GREB1L: variants seen among roughly 807,000 people sequenced by gnomAD.
GREB1L encodes the protein GREB1-like protein.
Under a neutral mutation model 200.8 loss-of-function variants are expected in GREB1L, and 17 were observed. The observed-to-expected ratio is 0.08, with a 90% confidence interval of 0.06 to 0.13. The LOEUF (loss-of-function observed/expected upper bound fraction) is 0.13. Among genes scored for constraint, GREB1L ranks in the 10% least tolerant of loss-of-function variants. The pLI, the probability that GREB1L is intolerant of heterozygous loss-of-function variation, is 1.00. For synonymous variants in GREB1L, 789 were observed against 893.0 expected, an observed-to-expected ratio of 0.88 and a Z score of 2.08; for missense variants, 1,657 against 2,367.7, an observed-to-expected ratio of 0.70 and a Z score of 6.23.
At chr18:21,473,244 C>T in intron 16 of GREB1L, 33 bp downstream of exon 16, 1 of 1,404,894 alleles carries the variant, frequency 7.1e-7, no homozygotes, top group South Asian at 1.6e-5. Context: ...ATGGAGTCTC[C>T]CTTCTACAGG....
intron 1 of GREB1L, among the ~76,000 whole-genome samples, chr18:21,349,852 A>C (rs1019130597): frequency 6.6e-6 from 1 of 152,198 alleles, no homozygotes; most frequent in Admixed American, 6.5e-5. Context: ...AATAAAGTGC[A>C]CAATAAATGT....
At chr18:21,511,784 C>CT (rs2037247420) in intron 27 of GREB1L, among the ~76,000 whole-genome samples, 1 of 152,188 alleles carries the variant, frequency 6.6e-6, no homozygotes, top group Non-Finnish European at 1.5e-5. Flanking sequence ...GTGGCTAGGA[C>CT]TATAGGCGTA....
intron 7 of GREB1L, among the ~76,000 whole-genome samples, chr18:21,433,804 T>C (rs2033334638): frequency 1.3e-5 from 2 of 152,202 alleles, no homozygotes; most frequent in South Asian, 4.1e-4. Context: ...GCTCTCAGAC[T>C]CTCAGAGAGG....
intron 15 of GREB1L, among the ~76,000 whole-genome samples, chr18:21,459,677 A>T (rs2034949099): frequency 6.6e-6 from 1 of 152,124 alleles, no homozygotes; most frequent in African/African-American, 2.4e-5. Flanking sequence ...TTTAATAAAA[A>T]AATAAAGACA....
intron 1 of GREB1L, among the ~76,000 whole-genome samples, chr18:21,287,462 A>G (rs991710740): frequency 3.9e-5 from 6 of 152,166 alleles, no homozygotes; most frequent in Non-Finnish European, 8.8e-5. Context: ...TGTCATCTGT[A>G]TCTTCTTTCG....
At chr18:21,310,878 C>G (rs2038779315) in intron 1 of GREB1L, among the ~76,000 whole-genome samples, 1 of 152,084 alleles carries the variant, frequency 6.6e-6, no homozygotes, top group South Asian at 2.1e-4. Context: ...TTTTTTCTTC[C>G]TGCACCTCAA....
At chr18:21,430,927 A>G (rs562186725) in intron 7 of GREB1L, among the ~76,000 whole-genome samples, 4 of 151,180 alleles carry the variant, frequency 2.6e-5, no homozygotes, top group African/African-American at 9.7e-5. Context: ...TTACAGCTAT[A>G]AATTTCCTTC....
intron 15 of GREB1L, among the ~76,000 whole-genome samples, chr18:21,459,883 T>C (rs1015847720): frequency 6.6e-6 from 1 of 152,152 alleles, no homozygotes; most frequent in African/African-American, 2.4e-5. Flanking sequence ...AGCACATGCA[T>C]TGCTGTCCGG....
chr18:21,320,891 T>G (rs1423964679), intron 1 of GREB1L, among the ~76,000 whole-genome samples: 1 of 151,986 alleles, frequency 6.6e-6, no homozygotes, highest in Non-Finnish European at 1.5e-5. Flanking sequence ...GAAATGACAA[T>G]GAAGAGTTCT....
At chr18:21,284,687 G>A (rs1017465389) in intron 1 of GREB1L, among the ~76,000 whole-genome samples, 1 of 152,116 alleles carries the variant, frequency 6.6e-6, no homozygotes, top group Non-Finnish European at 1.5e-5. Context: ...TCTTGGACAC[G>A]TACCTAGTCC....
chr18:21,444,015 C>T lies in GREB1L; in HGVS notation c.1208-209C>T, dbSNP rs73425742. On this transcript the variant is annotated intron_variant, in intron 10 of 32. Transcript: ENST00000424526. ...AGACATAGAGGGCCAACTGTATTTT[C>T]TTTCCTGTTCATTTAACTTAATATA... 7.9e-3 allele frequency among the ~76,000 whole-genome samples: 1,200 copies of T among 152,344 alleles called. 20 individuals carry two copies. The highest frequency in any genetic ancestry group is 0.028 in the African/African-American group (1,156 of 41,576).
chr18:21,258,367 A>G (rs1033279750), intron 1 of GREB1L, among the ~76,000 whole-genome samples: 1 of 152,140 alleles, frequency 6.6e-6, no homozygotes, highest in Non-Finnish European at 1.5e-5. Context: ...TCACTGTTCT[A>G]TCCCCAGCAC....
intron 1 of GREB1L, among the ~76,000 whole-genome samples, chr18:21,325,964 G>GAAAA (rs2039017218): frequency 6.6e-6 from 1 of 151,900 alleles, no homozygotes; most frequent in African/African-American, 2.4e-5. Context: ...CTACCAAAGA[G>GAAAA]ATTGGTGTCA....
intron 7 of GREB1L, among the ~76,000 whole-genome samples, chr18:21,418,755 C>A (rs1343074044): frequency 6.6e-6 from 1 of 152,088 alleles, no homozygotes; most frequent in Non-Finnish European, 1.5e-5. Context: ...GAGCTCCTGG[C>A]CTCAAGTCAT....
chr18:21,356,683 A>T (rs890331975), intron 1 of GREB1L, among the ~76,000 whole-genome samples: 2 of 152,210 alleles, frequency 1.3e-5, no homozygotes, highest in African/African-American at 4.8e-5. Flanking sequence ...TTTTGGATAC[A>T]TACCCAGTAG....
intron 1 of GREB1L, among the ~76,000 whole-genome samples, chr18:21,321,746 G>A (rs1420259678): frequency 6.6e-6 from 1 of 152,112 alleles, no homozygotes; most frequent in Non-Finnish European, 1.5e-5. Flanking sequence ...TCTGCTAGCA[G>A]TTCTAGAATT....
At chr18:21,477,596 C>G (rs948075363) in intron 17 of GREB1L, among the ~76,000 whole-genome samples, 1 of 152,104 alleles carries the variant, frequency 6.6e-6, no homozygotes, top group Non-Finnish European at 1.5e-5. Flanking sequence ...ACCATCCTGG[C>G]TAACACGGTG....
chr18:21,412,022 G>A (rs1453855907), intron 7 of GREB1L, among the ~76,000 whole-genome samples: 5 of 146,724 alleles, frequency 3.4e-5, no homozygotes, highest in African/African-American at 5.1e-5. Flanking sequence ...TCCTCAGTCC[G>A]GCCTGGGCGA....
chr18:21,415,066 C>T (rs986351123), intron 7 of GREB1L, among the ~76,000 whole-genome samples: 2 of 151,966 alleles, frequency 1.3e-5, no homozygotes, highest in Non-Finnish European at 2.9e-5. Context: ...AGAGGGGAGA[C>T]CAGAGCAGCT....
Sources: gnomAD v4.1 joint callset for allele counts (sites outside exome capture counted in the v4.1 genomes callset) on GRCh38, gnomAD v4.1.1 for gene constraint, MANE v1.5 for transcripts, NCBI Gene and HGNC (gene_info 2026-07-23, HGNC 2026-07-21) for gene names.